The following MYO1B variants were observed in gnomAD, a reference collection of about 807,000 sequenced individuals.
MYO1B encodes unconventional myosin-Ib.
In MYO1B, 72 loss-of-function variants were observed where a neutral mutation model predicts 159.7. That is an observed-to-expected ratio of 0.45 (90% CI 0.37 to 0.55). The LOEUF is 0.55. MYO1B is among the 20% of genes least tolerant of loss of function. The pLI, the probability that MYO1B is intolerant of heterozygous loss-of-function variation, is 0.00. For missense variants in MYO1B, 1,062 were observed against 1,364.8 expected, an observed-to-expected ratio of 0.78 and a Z score of 3.50; for synonymous variants, 468 against 473.8, an observed-to-expected ratio of 0.99 and a Z score of 0.16.
At chr2:191,362,400 A>G (rs574316955) in intron 9 of MYO1B, 29 bp downstream of exon 9, 1 of 1,547,660 alleles carries the variant, frequency 6.5e-7, no homozygotes, top group East Asian at 2.2e-5. Context: ...ATCAAGCTTT[A>G]AATTGCATAC....
intron 1 of MYO1B, among the ~76,000 whole-genome samples, chr2:191,251,568 T>C (rs1686119762): frequency 6.6e-6 from 1 of 152,178 alleles, no homozygotes; most frequent in Admixed American, 6.5e-5. Flanking sequence ...GTCCAATTCT[T>C]CCTGGACTCA....
chr2:191,270,965 C>T (rs1298282643), intron 1 of MYO1B, among the ~76,000 whole-genome samples: 1 of 152,206 alleles, frequency 6.6e-6, no homozygotes. Flanking sequence ...TGAGGACGTG[C>T]ATTGTTGTAC....
intron 1 of MYO1B, among the ~76,000 whole-genome samples, chr2:191,268,016 G>A (rs1042434641): frequency 6.6e-6 from 1 of 152,180 alleles, no homozygotes; most frequent in Non-Finnish European, 1.5e-5. Context: ...CAGCCACGCT[G>A]TTAGGCATGG....
At chr2:191,259,968 C>G (rs1479898519) in intron 1 of MYO1B, among the ~76,000 whole-genome samples, 1 of 151,992 alleles carries the variant, frequency 6.6e-6, no homozygotes, top group Non-Finnish European at 1.5e-5. Flanking sequence ...TCATGGGCAG[C>G]TACGTGTGGT....
At chr2:191,249,690 G>T (rs1335586698) in intron 1 of MYO1B, among the ~76,000 whole-genome samples, 1 of 152,138 alleles carries the variant, frequency 6.6e-6, no homozygotes, top group African/African-American at 2.4e-5. Context: ...TTAGGTTTTT[G>T]TTGTTGTTGT....
chr2:191,374,397 C>T (rs1694566801), intron 13 of MYO1B, among the ~76,000 whole-genome samples: 2 of 152,030 alleles, frequency 1.3e-5, no homozygotes, highest in South Asian at 4.1e-4. Flanking sequence ...TTTAGAATAC[C>T]CTGGGCATCT....
At chr2:191,246,768 A>G (rs1444437013) in intron 1 of MYO1B, among the ~76,000 whole-genome samples, 2 of 152,222 alleles carry the variant, frequency 1.3e-5, no homozygotes, top group African/African-American at 4.8e-5. Flanking sequence ...AAACCACCAG[A>G]AAATTAGACA....
chr2:191,381,578 A>T lies in MYO1B; in HGVS notation c.1290+12A>T, dbSNP rs1169999255. On this transcript the variant is annotated intron_variant, in intron 14 of 30. Coordinates refer to ENST00000392318, the MANE Select transcript of MYO1B (RefSeq NM_001130158.3). ...AGTATATACGGGAGGTAATGTTGAAATGCTATTTTTAAAAGTGTTGGTCCT... is the reference window on the plus strand; with the variant it reads ...AGTATATACGGGAGGTAATGTTGAATTGCTATTTTTAAAAGTGTTGGTCCT... The T allele has an allele frequency of 6.4e-7, 1 of 1,571,750 alleles. No individual in the cohort carries two copies. Among genetic ancestry groups the T allele is most frequent in the Non-Finnish European group, 8.7e-7 (1 of 1,144,896 alleles).
At chr2:191,347,612 G>A (rs1329714661) in intron 6 of MYO1B, among the ~76,000 whole-genome samples, 1 of 152,230 alleles carries the variant, frequency 6.6e-6, no homozygotes. Flanking sequence ...GGCTTGGCAG[G>A]TGATTTGGCT....
At chr2:191,261,916 A>G (rs981332074) in intron 1 of MYO1B, among the ~76,000 whole-genome samples, 1 of 152,210 alleles carries the variant, frequency 6.6e-6, no homozygotes, top group Non-Finnish European at 1.5e-5. Context: ...TGACTTGTTT[A>G]GGTATGTATC....
At chr2:191,289,339 G>C (rs927791664) in intron 2 of MYO1B, among the ~76,000 whole-genome samples, 1 of 152,182 alleles carries the variant, frequency 6.6e-6, no homozygotes, top group African/African-American at 2.4e-5. Context: ...ACAGATTCTT[G>C]TCTCCTTGTC....
chr2:191,292,991 A>T (rs750492739), intron 2 of MYO1B, among the ~76,000 whole-genome samples: 2 of 152,210 alleles, frequency 1.3e-5, no homozygotes, highest in Non-Finnish European at 2.9e-5. Flanking sequence ...GGCCTCACTC[A>T]TGTCTAATAG....
At chr2:191,410,403 G>C (rs1697184677) in intron 26 of MYO1B, among the ~76,000 whole-genome samples, 1 of 152,120 alleles carries the variant, frequency 6.6e-6, no homozygotes, top group Non-Finnish European at 1.5e-5. Context: ...AAAAAACCTG[G>C]CCCTGCTCCT....
intron 5 of MYO1B, among the ~76,000 whole-genome samples, chr2:191,344,581 A>G (rs906068748): frequency 3.3e-5 from 5 of 152,134 alleles, no homozygotes; most frequent in Non-Finnish European, 7.4e-5. Flanking sequence ...CTGTAATCCC[A>G]GCACTTTGGG....
At position 191,326,815 on chromosome 2, in the gene MYO1B, T is replaced by TGCGC. The variant is rs1553542801; in HGVS notation, c.252-3115_252-3112dup. On this transcript the variant is annotated intron_variant, in intron 3 of 30. Coordinates refer to ENST00000392318, the MANE Select transcript of MYO1B (RefSeq NM_001130158.3). ...GTGTGTGTGTGTGTGTGTGTGTGTG[T>TGCGC]GCGCGCGCCATATATGTTACTCATT... 7.5e-3 allele frequency among the ~76,000 whole-genome samples: 1,084 copies of TGCGC among 143,896 alleles called. 12 individuals are homozygous for TGCGC. The highest frequency in any genetic ancestry group is 0.029 in the Middle Eastern group (8 of 280). The allele number at this position is 143,896 out of a possible 152,430, so 94.4% of individuals were successfully genotyped here. A position where few individuals can be genotyped will look rare whatever the true frequency, so the allele number is the denominator to read the frequency against.
intron 8 of MYO1B, 24 bp downstream of exon 8, chr2:191,360,753 G>A: frequency 4.7e-6 from 4 of 852,840 alleles, no homozygotes; most frequent in Non-Finnish European, 7.1e-6. Flanking sequence ...TCTATGTGGT[G>A]TTGTTGTTGT....
chr2:191,340,700 A>G (rs914418029), intron 4 of MYO1B, among the ~76,000 whole-genome samples: 5 of 151,652 alleles, frequency 3.3e-5, no homozygotes, highest in African/African-American at 1.2e-4. Context: ...ATTTGGTCTA[A>G]TTATGAGCAA....
intron 3 of MYO1B, among the ~76,000 whole-genome samples, chr2:191,308,747 A>G (rs531123950): frequency 6.6e-6 from 1 of 152,128 alleles, no homozygotes; most frequent in South Asian, 2.1e-4. Context: ...CTCCACTAAA[A>G]CTTCTTTTCA....
At chr2:191,334,367 C>T (rs886784036) in intron 4 of MYO1B, among the ~76,000 whole-genome samples, 21 of 152,066 alleles carry the variant, frequency 1.4e-4, no homozygotes, top group Non-Finnish European at 4.4e-5. Context: ...ATGTATCTTC[C>T]TTACTGAAAA....
Sources: allele counts gnomAD v4.1 joint callset (sites outside exome capture counted in the v4.1 genomes callset), GRCh38; gene constraint gnomAD v4.1.1; transcripts MANE v1.5; gene names NCBI Gene and HGNC (gene_info 2026-07-23, HGNC 2026-07-21).